The following GSK3B variants were observed in gnomAD, a reference collection of about 807,000 sequenced individuals.
GSK3B encodes the protein glycogen synthase kinase-3 beta.
A neutral mutation model predicts 56.4 loss-of-function variants in GSK3B; 15 were observed. That is an observed-to-expected ratio of 0.27 (90% CI 0.18 to 0.41). The LOEUF (loss-of-function observed/expected upper bound fraction) is 0.41. Among genes scored for constraint, GSK3B ranks in the 10% least tolerant of loss-of-function variants. The pLI is 1.00. For missense variants in GSK3B, 300 were observed against 513.4 expected (o/e 0.58, Z 4.02); for synonymous variants, 181 against 188.9 (o/e 0.96, Z 0.34).
intron 1 of GSK3B, among the ~76,000 whole-genome samples, chr3:120,070,871 A>G (rs1055544127): frequency 3.3e-5 from 5 of 152,252 alleles, no homozygotes; most frequent in Non-Finnish European, 5.9e-5. Context: ...CGGCAAGATT[A>G]GGGATCCATT....
intron 1 of GSK3B, among the ~76,000 whole-genome samples, chr3:120,072,533 G>A (rs1387791058): frequency 2.0e-5 from 3 of 152,112 alleles, no homozygotes; most frequent in African/African-American, 7.2e-5. Flanking sequence ...GTTGCCATGA[G>A]CCGAGATCAT....
At chr3:120,000,138 T>C (rs1444082114) in intron 2 of GSK3B, among the ~76,000 whole-genome samples, 2 of 152,024 alleles carry the variant, frequency 1.3e-5, no homozygotes, top group Non-Finnish European at 2.9e-5. Flanking sequence ...CAAGGCAGTA[T>C]GAGGAAAAAA....
intron 2 of GSK3B, among the ~76,000 whole-genome samples, chr3:119,961,129 A>G (rs1559854305): frequency 6.6e-6 from 1 of 152,046 alleles, no homozygotes; most frequent in Non-Finnish European, 1.5e-5. Flanking sequence ...ACTACTTCCC[A>G]TTCCTGAGAA....
intron 1 of GSK3B, chr3:120,029,617 C>A (rs2057958359): frequency 2.5e-5 from 14 of 561,964 alleles, no homozygotes; most frequent in South Asian, 2.2e-4. Flanking sequence ...GGGAGGCTTG[C>A]CATTATTTCC....
At chr3:119,906,805 G>A (rs1447733561) in intron 6 of GSK3B, among the ~76,000 whole-genome samples, 1 of 152,094 alleles carries the variant, frequency 6.6e-6, no homozygotes, top group Admixed American at 6.6e-5. Flanking sequence ...TACGGAAGGA[G>A]AAGAAGGAAC....
intron 3 of GSK3B, among the ~76,000 whole-genome samples, chr3:119,924,124 A>G (rs1196727404): frequency 6.6e-6 from 1 of 152,246 alleles, no homozygotes; most frequent in Non-Finnish European, 1.5e-5. Context: ...CCATACTCAC[A>G]AGCTCATTAC....
At chr3:119,985,063 C>A (rs2057502094) in intron 2 of GSK3B, among the ~76,000 whole-genome samples, 1 of 152,188 alleles carries the variant, frequency 6.6e-6, no homozygotes, top group African/African-American at 2.4e-5. Flanking sequence ...CGTAATCCAT[C>A]ACATAAACAG....
chr3:119,984,376 TAG>T (rs1014361055), intron 2 of GSK3B, among the ~76,000 whole-genome samples: 6 of 129,384 alleles, frequency 4.6e-5, no homozygotes, highest in Admixed American at 3.1e-4. Flanking sequence ...CTGAAGGAGA[TAG>T]AGACACAGAA....
intron 9 of GSK3B, among the ~76,000 whole-genome samples, chr3:119,856,377 A>G (rs1488740449): frequency 1.3e-5 from 2 of 152,238 alleles, no homozygotes; most frequent in Non-Finnish European, 2.9e-5. Context: ...AACTACACAC[A>G]GAACTTTCAT....
intron 10 of GSK3B, among the ~76,000 whole-genome samples, chr3:119,830,071 CAAAA>C (rs956444799): frequency 1.3e-5 from 2 of 151,760 alleles, no homozygotes; most frequent in Non-Finnish European, 2.9e-5. Flanking sequence ...AAAAGTAAAA[CAAAA>C]AAAGGCAAAG....
At chr3:119,863,632 A>C in intron 8 of GSK3B, 27 bp from the exon 9 acceptor site, 3 of 1,441,766 alleles carry the variant, frequency 2.1e-6, no homozygotes, top group Non-Finnish European at 2.9e-6. Flanking sequence ...GGGAAAGAAC[A>C]ATTAATGTTT....
intron 4 of GSK3B, among the ~76,000 whole-genome samples, chr3:119,919,028 A>G (rs2056810027): frequency 6.6e-6 from 1 of 152,212 alleles, no homozygotes; most frequent in South Asian, 2.1e-4. Flanking sequence ...GTCCTTAAAC[A>G]TGTATTTTCA....
At chr3:120,056,528 C>T (rs1340169197) in intron 1 of GSK3B, among the ~76,000 whole-genome samples, 5 of 152,024 alleles carry the variant, frequency 3.3e-5, no homozygotes, top group South Asian at 2.1e-4. Context: ...TTCGTAGAGA[C>T]GGGGTTTCAC....
chr3:119,952,593 T>G (rs1232170819), intron 2 of GSK3B, among the ~76,000 whole-genome samples: 1 of 148,358 alleles, frequency 6.7e-6, no homozygotes, highest in Non-Finnish European at 1.5e-5. Flanking sequence ...ATTTAAACAG[T>G]TTGAAGCCAC....
chr3:119,956,121 G>A (rs980379773), intron 2 of GSK3B, among the ~76,000 whole-genome samples: 5 of 152,230 alleles, frequency 3.3e-5, no homozygotes, highest in Non-Finnish European at 5.9e-5. Context: ...TATTGAATTA[G>A]TAAATAGAAG....
At chr3:119,967,742 C>T (rs1287805346) in intron 2 of GSK3B, among the ~76,000 whole-genome samples, 1 of 151,572 alleles carries the variant, frequency 6.6e-6, no homozygotes, top group Non-Finnish European at 1.5e-5. Flanking sequence ...TCTCCCGTCC[C>T]GTCCCCTCCC....
At position 119,883,133 on chromosome 3, in the gene GSK3B, G is replaced by A. The variant is rs552435764; in HGVS notation, c.814-6625C>T. ...ATCCTAACATTACAGTATGTTCCACGTTTAATTCAACTACTATCATTTTTC... is the reference window on the plus strand; with the variant it reads ...ATCCTAACATTACAGTATGTTCCACATTTAATTCAACTACTATCATTTTTC... On this transcript the variant is annotated intron_variant, in intron 7 of 10. Coordinates refer to ENST00000264235, the MANE Select transcript of GSK3B (RefSeq NM_001146156.2). Among the ~76,000 whole-genome samples, 3 of 152,220 alleles carry A rather than the reference G, an allele frequency of 2.0e-5. No individual in the cohort carries two copies. The South Asian group carries it at 6.2e-4, about 32-fold the overall frequency.
chr3:119,889,305 G>A lies in GSK3B; in HGVS notation c.814-12797C>T, dbSNP rs978997326. 3.9e-5 allele frequency among the ~76,000 whole-genome samples: 6 copies of A among 152,144 alleles called. No homozygotes were observed. In the South Asian group the frequency reaches 1.2e-3, roughly 32 times the overall value. On this transcript the variant is annotated intron_variant, in intron 7 of 10. Transcript: ENST00000264235. ...ATTTCTCAGCCAGCCGACACTCATG[G>A]AAAATAGAAAAAACCTATGTTGAAA...
intron 9 of GSK3B, among the ~76,000 whole-genome samples, chr3:119,858,203 A>G (rs2056047583): frequency 6.6e-6 from 1 of 152,196 alleles, no homozygotes. Context: ...ATAACAAATG[A>G]GTCAACCTAT....
Sources: allele counts gnomAD v4.1 joint callset (sites outside exome capture counted in the v4.1 genomes callset), GRCh38; gene constraint gnomAD v4.1.1; transcripts MANE v1.5; gene names NCBI Gene and HGNC (gene_info 2026-07-23, HGNC 2026-07-21).